HNF1B: variants seen among roughly 807,000 people sequenced by gnomAD.
HNF1B encodes hepatocyte nuclear factor 1-beta.
HNF1B carries 8 observed loss-of-function variants against 61.7 expected under a neutral mutation model. That is an observed-to-expected ratio of 0.13 (90% CI 0.08 to 0.23). The LOEUF is 0.23. Ranked by LOEUF, HNF1B falls within the 10% of genes least tolerant of loss-of-function variation. The pLI, the probability that HNF1B is intolerant of heterozygous loss-of-function variation, is 1.00. For synonymous variants in HNF1B, 314 were observed against 287.7 expected, an observed-to-expected ratio of 1.09 and a Z score of -0.93; for missense variants, 562 against 714.5, an observed-to-expected ratio of 0.79 and a Z score of 2.43.
chr17:37,722,889 T>G (rs1352170237), intron 4 of HNF1B, among the ~76,000 whole-genome samples: 1 of 152,120 alleles, frequency 6.6e-6, no homozygotes, highest in Admixed American at 6.5e-5. Context: ...CACCTTCTCC[T>G]TCTTAAATGC....
At chr17:37,710,386 A>C in intron 5 of HNF1B, 117 bp downstream of exon 5, 1 of 1,369,146 alleles carries the variant, frequency 7.3e-7, no homozygotes, top group South Asian at 1.2e-5. Context: ...GACAGCCCTC[A>C]TTTTCCCCTA....
chr17:37,720,358 T>C (rs2033268941), intron 4 of HNF1B, among the ~76,000 whole-genome samples: 1 of 152,118 alleles, frequency 6.6e-6, no homozygotes, highest in African/African-American at 2.4e-5. Flanking sequence ...AGTAGAACAT[T>C]AGGGAGAAAC....
Position 37,699,131 on chromosome 17 carries a change from A to G in HNF1B, c.1598T>C (p.Val533Ala), listed in dbSNP as rs759505400. The change falls in exon 8 of 9, where the codon GTG becomes GCG. Residue 533 changes from valine to alanine, a missense_variant. Transcript: ENST00000617811. Reference protein sequence around the residue: ...SHTSRFPSAMVVTDTSSISTL... With the variant: ...SHTSRFPSAMAVTDTSSISTL... ...ACTGATGCTGCTGGTATCTGTGACC[A>G]CCATTGCAGATGGAAACCGGGAGGT... 1.2e-5 allele frequency: 20 copies of G among 1,613,952 alleles called. No homozygotes were observed. The highest frequency in any genetic ancestry group is 1.4e-5 in the Non-Finnish European group (17 of 1,180,018).
intron 5 of HNF1B, among the ~76,000 whole-genome samples, chr17:37,709,980 G>A (rs1297115125): frequency 6.6e-6 from 1 of 152,176 alleles, no homozygotes; most frequent in Non-Finnish European, 1.5e-5. Context: ...GATCTTCGCT[G>A]TCATGGTGTC....
chr17:37,722,670 T>C (rs1377198891), intron 4 of HNF1B, among the ~76,000 whole-genome samples: 5 of 152,114 alleles, frequency 3.3e-5, no homozygotes, highest in East Asian at 1.9e-4. Context: ...CCCAAAAGCA[T>C]TGGAAGCATC....
chr17:37,732,233 C>T (rs1296322860), intron 3 of HNF1B, among the ~76,000 whole-genome samples: 1 of 152,150 alleles, frequency 6.6e-6, no homozygotes, highest in African/African-American at 2.4e-5. Flanking sequence ...CAAAGCACTT[C>T]GAGAGGATTT....
intron 4 of HNF1B, among the ~76,000 whole-genome samples, chr17:37,724,823 A>T (rs1016026415): frequency 6.6e-5 from 10 of 152,096 alleles, no homozygotes; most frequent in African/African-American, 2.2e-4. Context: ...AATAGCTAGG[A>T]TAATAACCAT....
chr17:37,691,346 C>T (rs926649349), intron 8 of HNF1B, among the ~76,000 whole-genome samples: 8 of 152,100 alleles, frequency 5.3e-5, no homozygotes, highest in Non-Finnish European at 7.4e-5. Context: ...ATTATAATTC[C>T]GGTTTTACAG....
intron 8 of HNF1B, among the ~76,000 whole-genome samples, chr17:37,693,046 C>T (rs1219099399): frequency 6.6e-6 from 1 of 151,800 alleles, no homozygotes; most frequent in Non-Finnish European, 1.5e-5. Context: ...AAAAATTAGC[C>T]AGGTGTGGTG....
chr17:37,710,339 G>T (rs143020036), intron 5 of HNF1B, among the ~76,000 whole-genome samples, 164 bp downstream of exon 5: 9 of 152,224 alleles, frequency 5.9e-5, no homozygotes, highest in African/African-American at 2.2e-4. Flanking sequence ...CCCGCCAAAG[G>T]CTGGGTCACC....
chr17:37,687,632 A>G (rs2032024457), intron 8 of HNF1B, among the ~76,000 whole-genome samples: 1 of 152,092 alleles, frequency 6.6e-6, no homozygotes, highest in African/African-American at 2.4e-5. Context: ...ATTGCTGGGG[A>G]CCTTGAAGTA....
At chr17:37,723,302 G>C (rs539394590) in intron 4 of HNF1B, among the ~76,000 whole-genome samples, 1 of 151,750 alleles carries the variant, frequency 6.6e-6, no homozygotes, top group Non-Finnish European at 1.5e-5. Context: ...AGCCGAGATC[G>C]CGCCACTGCA....
chr17:37,690,011 A>G (rs1244167171), intron 8 of HNF1B, among the ~76,000 whole-genome samples: 1 of 56,074 alleles, frequency 1.8e-5, no homozygotes, highest in Non-Finnish European at 4.5e-5. Flanking sequence ...GTGCACACAC[A>G]CACACACACA....
intron 4 of HNF1B, among the ~76,000 whole-genome samples, chr17:37,725,075 C>G (rs1003584833): frequency 6.6e-6 from 1 of 152,100 alleles, no homozygotes; most frequent in Admixed American, 6.6e-5. Context: ...CTTCAAAGGC[C>G]CTTGCACAGA....
At chr17:37,713,821 A>T (rs138201541) in intron 4 of HNF1B, among the ~76,000 whole-genome samples, 2,865 of 152,332 alleles carry the variant, frequency 0.019, 41 homozygotes, top group Non-Finnish European at 0.031. Flanking sequence ...CTCACCAAGC[A>T]TGTGGCAATC....
chr17:37,728,978 A>C (rs1263405475), intron 4 of HNF1B: 1 of 152,916 alleles, frequency 6.5e-6, no homozygotes, highest in African/African-American at 2.4e-5. Context: ...GCTGCCTGCC[A>C]GTCTTCTCAC....
At chr17:37,717,928 T>C (rs2033178270) in intron 4 of HNF1B, among the ~76,000 whole-genome samples, 1 of 152,210 alleles carries the variant, frequency 6.6e-6, no homozygotes, top group Non-Finnish European at 1.5e-5. Flanking sequence ...AAAAAGCTGA[T>C]GCAAGATGAA....
At chr17:37,713,749 A>G (rs932214674) in intron 4 of HNF1B, among the ~76,000 whole-genome samples, 2 of 152,180 alleles carry the variant, frequency 1.3e-5, no homozygotes, top group East Asian at 1.9e-4. Context: ...GTGTGATGGG[A>G]GCCAGGCACA....
intron 1 of HNF1B, among the ~76,000 whole-genome samples, chr17:37,743,405 A>G (rs972405255): frequency 2.0e-5 from 3 of 152,322 alleles, no homozygotes; most frequent in Admixed American, 6.5e-5. Flanking sequence ...CCTCAAACCT[A>G]TGAATTATAC....
Sources: allele counts gnomAD v4.1 joint callset (sites outside exome capture counted in the v4.1 genomes callset), GRCh38; gene constraint gnomAD v4.1.1; transcripts MANE v1.5; gene names NCBI Gene and HGNC (gene_info 2026-07-23, HGNC 2026-07-21).